Variants in LAMB1 observed in about 807,000 individuals in gnomAD.
LAMB1 encodes laminin subunit beta 1.
A neutral mutation model predicts 222.3 loss-of-function variants in LAMB1; 121 were observed. The observed-to-expected ratio is 0.54, with a 90% CI of 0.47 to 0.63. The LOEUF (loss-of-function observed/expected upper bound fraction) is 0.63. Among genes scored for constraint, LAMB1 ranks in the 30% least tolerant of loss-of-function variants. The pLI is 0.00. For missense variants in LAMB1, 2,172 were observed against 2,240.8 expected (o/e 0.97, Z 0.62); for synonymous variants, 794 against 807.2 (o/e 0.98, Z 0.28).
chr7:107,980,534 A>T, intron 8 of LAMB1, 75 bp downstream of exon 8: 1 of 1,224,220 alleles, frequency 8.2e-7, no homozygotes, highest in Non-Finnish European at 1.2e-6. Context: ...TAAAAGGCTT[A>T]AGGTAAGACT....
rs144019977 is a variant in LAMB1 at position 107,959,996 on chromosome 7, C to T, written c.2315-162G>A. Among the ~76,000 whole-genome samples the T allele has an allele frequency of 3.2e-3, 495 of 152,316 alleles. 3 individuals are homozygous for T. Among genetic ancestry groups the T allele is most frequent in the African/African-American group, 0.011 (459 of 41,570 alleles). ...GGGAAGAAAGGGGAGGCAGAGTTGG[C>T]AGATCAAAACAGTTTTTCTAGGCAG... is the stretch of plus-strand genomic sequence containing the variant. On this transcript the variant is annotated intron_variant, in intron 18 of 33. Transcript: ENST00000222399.
intron 25 of LAMB1, among the ~76,000 whole-genome samples, chr7:107,939,783 G>T (rs1192574552): frequency 5.3e-5 from 8 of 152,200 alleles, no homozygotes; most frequent in African/African-American, 1.2e-4. Flanking sequence ...GCAGCCTCCA[G>T]AAGGCTGGTC....
Position 107,924,396 on chromosome 7 carries a change from T to G in LAMB1, c.5065-7A>C. ...CAAGTTCACCATCTAAAGTCTATAG[T>G]TCCACATTTAGACAGAAAGAAGTGG... On this transcript the variant is annotated splice_region_variant and splice_polypyrimidine_tract_variant and intron_variant, in intron 32 of 33. Transcript: ENST00000222399. 1 of 1,593,060 alleles carries G rather than the reference T, an allele frequency of 6.3e-7. No individual in the cohort carries two copies. The highest frequency in any genetic ancestry group is 2.2e-5 in the East Asian group (1 of 44,650).
rs2301990 is a variant in LAMB1 at position 107,932,547 on chromosome 7, G to A, written c.4189-170C>T. 792 of 631,554 alleles carry A rather than the reference G, an allele frequency of 1.3e-3. 10 individuals are homozygous for A. In the East Asian group the frequency reaches 0.021, roughly 17 times the overall value. 39.1% of individuals were successfully genotyped at this position (631,554 alleles called of 1,614,324 possible). A position where few individuals can be genotyped will look rare whatever the true frequency, so the allele number is the denominator to read the frequency against. ...GGAGAGAGGAGCAGAGAGTTTAGGA[G>A]TAAACTAACCTGCTTATTTCCAAGG... On this transcript the variant is annotated intron_variant, in intron 27 of 33. Coordinates refer to ENST00000222399, the MANE Select transcript of LAMB1 (RefSeq NM_002291.3).
At chr7:107,945,907 G>C (rs1385716602) in intron 24 of LAMB1, among the ~76,000 whole-genome samples, 1 of 152,160 alleles carries the variant, frequency 6.6e-6, no homozygotes, top group Admixed American at 6.5e-5. Flanking sequence ...CAACTGAAAA[G>C]TTTGTGCCAC....
intron 3 of LAMB1, among the ~76,000 whole-genome samples, chr7:107,999,486 C>T (rs779178797): frequency 6.6e-6 from 1 of 152,082 alleles, no homozygotes; most frequent in Non-Finnish European, 1.5e-5. Context: ...ATTAACTGAC[C>T]GTACTTTTAC....
chr7:107,959,577 T>C (rs776821277), intron 19 of LAMB1, 97 bp from the exon 20 acceptor site: 2 of 1,609,574 alleles, frequency 1.2e-6, no homozygotes, highest in South Asian at 2.2e-5. Context: ...AGAATGCTCA[T>C]GGGTTGGTGT....
Position 107,937,365 on chromosome 7 carries a change from T to C in LAMB1, c.3762-88A>G, listed in dbSNP as rs916519955. 4.0e-6 allele frequency: 4 copies of C among 1,000,208 alleles called. No homozygotes were observed. The African/African-American group carries it at 6.5e-5, about 16-fold the overall frequency. The allele number at this position is 1,000,208 out of a possible 1,614,324, so 62.0% of individuals were successfully genotyped here. A position where few individuals can be genotyped will look rare whatever the true frequency, so the allele number is the denominator to read the frequency against. ...ATATTTTCTACTAGTACTGTATCCA[T>C]TACTAATTTCAAACCAATTCAGTAA... On this transcript the variant is annotated intron_variant, in intron 25 of 33. Transcript: ENST00000222399.
chr7:107,947,515 G>A (rs1035733968), intron 24 of LAMB1, among the ~76,000 whole-genome samples: 4 of 152,098 alleles, frequency 2.6e-5, no homozygotes, highest in Non-Finnish European at 4.4e-5. Flanking sequence ...GTTTCTAATC[G>A]TGAATGCATT....
At chr7:107,938,636 T>G (rs1472944016) in intron 25 of LAMB1, among the ~76,000 whole-genome samples, 1 of 152,136 alleles carries the variant, frequency 6.6e-6, no homozygotes, top group Non-Finnish European at 1.5e-5. Context: ...GGACACCAGA[T>G]TTTTTTCTTC....
intron 24 of LAMB1, among the ~76,000 whole-genome samples, chr7:107,943,967 C>T (rs1015969018): frequency 6.6e-6 from 1 of 152,170 alleles, no homozygotes; most frequent in Non-Finnish European, 1.5e-5. Context: ...GAAGTGATGC[C>T]ATTTGTAATA....
intron 22 of LAMB1, among the ~76,000 whole-genome samples, chr7:107,952,715 G>A (rs2033284336): frequency 6.6e-6 from 1 of 152,172 alleles, no homozygotes; most frequent in Non-Finnish European, 1.5e-5. Context: ...AAAGCCAGGA[G>A]CCTGGGGGCT....
At chr7:107,970,813 CCT>C (rs1322238792) in intron 13 of LAMB1, among the ~76,000 whole-genome samples, 1 of 151,800 alleles carries the variant, frequency 6.6e-6, no homozygotes, top group Non-Finnish European at 1.5e-5. Context: ...TTCACTGCAA[CCT>C]CTGTTTTCTA....
chr7:107,947,980 CTTCT>C (rs1433692781), intron 24 of LAMB1, among the ~76,000 whole-genome samples: 14 of 105,614 alleles, frequency 1.3e-4, no homozygotes, highest in Middle Eastern at 9.0e-3. Flanking sequence ...ATATCTTCTT[CTTCT>C]TTTTTTTTTT....
chr7:107,961,615 C>G lies in LAMB1; in HGVS notation c.1919G>C (p.Ser640Thr), dbSNP rs2033503473. ...TVQRPGRIPT[S>T]SRCGNTIPDD... is the part of the protein sequence containing the mutation. ...GGGGATGGTATTACCACATCGGCTGCTGGTTGGAATCCTTCCAGGTCGCTG... is the reference window on the plus strand; with the variant it reads ...GGGGATGGTATTACCACATCGGCTGGTGGTTGGAATCCTTCCAGGTCGCTG... The change falls in exon 16 of 34, where the codon AGC becomes ACC. Residue 640 changes from serine to threonine, a missense_variant. By Grantham distance (58) the Ser-to-Thr change is moderately conservative. Transcript: ENST00000222399. 2 of 1,613,988 alleles carry G rather than the reference C, an allele frequency of 1.2e-6. No homozygotes were observed. The highest frequency in any genetic ancestry group is 2.7e-5 in the African/African-American group (2 of 74,902).
chr7:108,002,907 G>C lies in LAMB1; in HGVS notation c.-22C>G, dbSNP rs113389946. The C allele has an allele frequency of 4.3e-6, 7 of 1,613,606 alleles. 1 individual carries two copies. In the South Asian group the frequency reaches 5.5e-5, roughly 13 times the overall value. On this transcript the variant is annotated 5_prime_UTR_variant, in exon 2 of 34. Coordinates refer to ENST00000222399, the MANE Select transcript of LAMB1 (RefSeq NM_002291.3). ...CCATGCCGGCTCCCTGCAGCCACGG[G>C]GACGCGGCAGAGGAGTGGAGAAGAC... is the stretch of plus-strand genomic sequence containing the variant.
At position 107,931,336 on chromosome 7, in the gene LAMB1, A is replaced by G; in HGVS notation, c.4537+20T>C. ...CACACAGAAACAAATGTCTAAAAGT[A>G]AAATGAAAAAATTTCTTACGGGTCA... On this transcript the variant is annotated intron_variant, in intron 29 of 33. Transcript: ENST00000222399. The G allele has an allele frequency of 6.2e-7, 1 of 1,604,630 alleles. No homozygotes were observed. The highest frequency in any genetic ancestry group is 8.5e-7 in the Non-Finnish European group (1 of 1,173,696).
chr7:107,994,442 T>G (rs552239682), intron 5 of LAMB1, among the ~76,000 whole-genome samples: 1 of 152,302 alleles, frequency 6.6e-6, no homozygotes, highest in East Asian at 1.9e-4. Context: ...CCACAAATCA[T>G]TCTGGAGTTC....
intron 8 of LAMB1, among the ~76,000 whole-genome samples, chr7:107,979,038 G>A (rs955159163): frequency 1.1e-4 from 17 of 152,196 alleles, no homozygotes; most frequent in African/African-American, 3.6e-4. Flanking sequence ...TTATTACCAG[G>A]TGGTTTTACA....
Sources: allele counts gnomAD v4.1 joint callset (sites outside exome capture counted in the v4.1 genomes callset), GRCh38; gene constraint gnomAD v4.1.1; transcripts MANE v1.5; gene names NCBI Gene and HGNC (gene_info 2026-07-23, HGNC 2026-07-21).